EXOC4: variants seen among roughly 807,000 people sequenced by gnomAD.
EXOC4 encodes exocyst complex component 4, also known as SEC8-like 1.
A neutral mutation model predicts 107.2 loss-of-function variants in EXOC4; 71 were observed. The observed-to-expected ratio is 0.66, with a 90% CI of 0.55 to 0.81. The LOEUF is 0.81. EXOC4 is among the 30% of genes least tolerant of loss of function. The probability of loss-of-function intolerance (pLI) is 0.00; values close to 1 mark genes in which losing one functional copy is unlikely to be tolerated. For synonymous variants in EXOC4, 456 were observed against 441.2 expected, an observed-to-expected ratio of 1.03 and a Z score of -0.42; for missense variants, 1,108 against 1,189.6, an observed-to-expected ratio of 0.93 and a Z score of 1.01.
intron 9 of EXOC4, among the ~76,000 whole-genome samples, chr7:133,612,236 T>G (rs974231204): frequency 6.6e-6 from 1 of 152,246 alleles, no homozygotes; most frequent in South Asian, 2.1e-4. Flanking sequence ...TTAGTGAGCA[T>G]TCCCTGGTAA....
chr7:133,391,157 T>G (rs759798579), intron 7 of EXOC4, among the ~76,000 whole-genome samples: 3 of 152,184 alleles, frequency 2.0e-5, no homozygotes, highest in Non-Finnish European at 4.4e-5. Context: ...CACCTGAAAG[T>G]TGTGAAGGGT....
chr7:133,781,178 T>G (rs1285603468), intron 10 of EXOC4, among the ~76,000 whole-genome samples: 1 of 152,218 alleles, frequency 6.6e-6, no homozygotes, highest in Non-Finnish European at 1.5e-5. Context: ...AATTCCCTTC[T>G]AAGTGTTGAA....
At chr7:133,827,123 T>A (rs1474189684) in intron 11 of EXOC4, among the ~76,000 whole-genome samples, 1 of 152,186 alleles carries the variant, frequency 6.6e-6, no homozygotes, top group Non-Finnish European at 1.5e-5. Flanking sequence ...CACATTTCCT[T>A]CACATAGTGT....
chr7:133,684,042 T>A (rs773688888), intron 10 of EXOC4, among the ~76,000 whole-genome samples: 3 of 152,198 alleles, frequency 2.0e-5, no homozygotes, highest in Non-Finnish European at 4.4e-5. Context: ...TCACATTTGC[T>A]GTTTTAAATA....
At chr7:133,559,516 A>G (rs1399842640) in intron 9 of EXOC4, among the ~76,000 whole-genome samples, 1 of 152,188 alleles carries the variant, frequency 6.6e-6, no homozygotes, top group Non-Finnish European at 1.5e-5. Context: ...GTGATTTGAA[A>G]TGCACTGTGT....
Position 134,060,438 on chromosome 7 carries a change from G to T in EXOC4, c.2688-3853G>T, listed in dbSNP as rs1026817624. On this transcript the variant is annotated intron_variant, in intron 17 of 17. Transcript: ENST00000253861. ...GAGCCAGAAAATGTCTCAATCAAAT[G>T]TGCATTCACTGATCCCATCCAGGCA... Among the ~76,000 whole-genome samples, 4 of 152,308 alleles carry T rather than the reference G, an allele frequency of 2.6e-5. No homozygotes were observed. In the South Asian group the frequency reaches 8.3e-4, roughly 32 times the overall value.
intron 6 of EXOC4, among the ~76,000 whole-genome samples, chr7:133,369,610 A>G (rs1380314724): frequency 6.6e-6 from 1 of 151,872 alleles, no homozygotes; most frequent in Non-Finnish European, 1.5e-5. Context: ...CCTGGACCTC[A>G]CTTGCTTTTC....
chr7:133,935,392 T>C lies in EXOC4; in HGVS notation c.2028-2499T>C, dbSNP rs1468821338. Among the ~76,000 whole-genome samples the C allele has an allele frequency of 7.9e-5, 12 of 152,262 alleles. 2 individuals carry two copies. The South Asian group carries it at 2.1e-3, about 26-fold the overall frequency. On this transcript the variant is annotated intron_variant, in intron 13 of 17. Coordinates refer to ENST00000253861, the MANE Select transcript of EXOC4 (RefSeq NM_021807.4). ...GTTTTTTGTTTTGTTTCATCTTAAG[T>C]TGGGCACATTGCTGACCCCAACAAC...
intron 2 of EXOC4, among the ~76,000 whole-genome samples, chr7:133,279,215 A>G (rs1794072533): frequency 6.6e-6 from 1 of 152,160 alleles, no homozygotes. Context: ...AATCCAGACT[A>G]TCATTGTTGG....
intron 9 of EXOC4, among the ~76,000 whole-genome samples, chr7:133,570,578 A>T (rs1563111638): frequency 6.6e-6 from 1 of 152,224 alleles, no homozygotes; most frequent in East Asian, 1.9e-4. Flanking sequence ...AGAATCTCAG[A>T]TGCAGATGGC....
At chr7:133,715,651 C>T (rs976473868) in intron 10 of EXOC4, among the ~76,000 whole-genome samples, 2 of 152,052 alleles carry the variant, frequency 1.3e-5, no homozygotes, top group Admixed American at 1.3e-4. Flanking sequence ...CTTATCTCTG[C>T]TCTTGTCTGC....
chr7:133,817,624 A>G, intron 11 of EXOC4, 80 bp downstream of exon 11: 1 of 1,044,344 alleles, frequency 9.6e-7, no homozygotes, highest in Admixed American at 2.2e-5. Context: ...AAAAAAGAAG[A>G]ATTACCATCT....
chr7:133,853,386 AC>A (rs1798281337), intron 11 of EXOC4, among the ~76,000 whole-genome samples: 2 of 133,442 alleles, frequency 1.5e-5, no homozygotes, highest in South Asian at 2.3e-4. Context: ...ACACACACAC[AC>A]ACACACACAC....
At chr7:134,092,015 T>A in the EXOC4 span, among the ~76,000 whole-genome samples, 1 of 152,188 alleles carries the variant, frequency 6.6e-6, no homozygotes, top group Non-Finnish European at 1.5e-5. Context: ...TATTCCAAAA[T>A]CCAAAACAAA....
intron 10 of EXOC4, 76 bp from the exon 11 acceptor site, chr7:133,817,244 AGATAT>A: frequency 1.1e-6 from 1 of 923,316 alleles, no homozygotes. Context: ...AGCCAACACT[AGATAT>A]ACTCATGTCC....
intron 9 of EXOC4, among the ~76,000 whole-genome samples, chr7:133,556,380 A>AT (rs1346348089): frequency 2.6e-5 from 4 of 151,800 alleles, no homozygotes; most frequent in Non-Finnish European, 4.4e-5. Flanking sequence ...TTGAAAGGAG[A>AT]TTTTTTGCCC....
At chr7:133,353,010 T>G (rs1175071394) in intron 5 of EXOC4, among the ~76,000 whole-genome samples, 1 of 152,126 alleles carries the variant, frequency 6.6e-6, no homozygotes, top group Admixed American at 6.6e-5. Context: ...CATAAACTAG[T>G]AATTCTTTTA....
At chr7:133,917,555 G>C in intron 12 of EXOC4, 28 bp from the exon 13 acceptor site, 1 of 1,609,090 alleles carries the variant, frequency 6.2e-7, no homozygotes. Flanking sequence ...TCATGCTACA[G>C]TGTCTCTTTT....
At chr7:133,530,602 A>G (rs1398345299) in intron 9 of EXOC4, among the ~76,000 whole-genome samples, 2 of 152,220 alleles carry the variant, frequency 1.3e-5, no homozygotes, top group East Asian at 3.8e-4. Context: ...TGCCGCACAC[A>G]ACTATACATT....
Sources: gnomAD v4.1 joint callset for allele counts (sites outside exome capture counted in the v4.1 genomes callset) on GRCh38, gnomAD v4.1.1 for gene constraint, MANE v1.5 for transcripts, NCBI Gene and HGNC (gene_info 2026-07-23, HGNC 2026-07-21) for gene names.